The following LRP1B variants were observed in gnomAD, a reference collection of about 807,000 sequenced individuals.
LRP1B encodes LDL receptor related protein 1B, also known as low-density lipoprotein receptor-related protein 1B.
Under a neutral mutation model 556.6 loss-of-function variants are expected in LRP1B, and 217 were observed. The observed-to-expected ratio is 0.39, with a 90% CI of 0.35 to 0.44. The LOEUF (loss-of-function observed/expected upper bound fraction) is 0.44, where lower values mean the gene tolerates loss of function less well. Among genes scored for constraint, LRP1B ranks in the 20% least tolerant of loss-of-function variants. LRP1B has a pLI of 1.00. For synonymous variants in LRP1B, 2,047 were observed against 1,865.8 expected, an observed-to-expected ratio of 1.10 and a Z score of -2.50; for missense variants, 5,053 against 5,620.8, an observed-to-expected ratio of 0.90 and a Z score of 3.23.
At chr2:140,853,404 C>T (rs1573805345) in intron 27 of LRP1B, among the ~76,000 whole-genome samples, 2 of 151,952 alleles carry the variant, frequency 1.3e-5, no homozygotes, top group Admixed American at 1.3e-4. Flanking sequence ...TCATATAATA[C>T]TTGTATTAAG....
At chr2:141,516,692 CTTT>C (rs11316394) in intron 2 of LRP1B, among the ~76,000 whole-genome samples, 40 of 124,562 alleles carry the variant, frequency 3.2e-4, no homozygotes, top group South Asian at 5.2e-4. Context: ...CTCTCTCTCT[CTTT>C]TTTTTTTTTT....
At chr2:140,333,930 G>A (rs144572597) in intron 79 of LRP1B, among the ~76,000 whole-genome samples, 1 of 151,768 alleles carries the variant, frequency 6.6e-6, no homozygotes, top group Non-Finnish European at 1.5e-5. Context: ...CTTTGGAGTA[G>A]TAGCTTAGAT....
At chr2:142,012,851 C>T (rs529649272) in intron 1 of LRP1B, among the ~76,000 whole-genome samples, 3 of 152,056 alleles carry the variant, frequency 2.0e-5, no homozygotes, top group African/African-American at 7.2e-5. Context: ...GTGTAAGATG[C>T]GATGTGGTCA....
At chr2:141,675,248 TA>T (rs1295144063) in intron 2 of LRP1B, among the ~76,000 whole-genome samples, 2 of 151,974 alleles carry the variant, frequency 1.3e-5, no homozygotes, top group Admixed American at 1.3e-4. Context: ...AAATACTTGT[TA>T]AAAGTTTTTG....
At position 140,677,324 on chromosome 2, in the gene LRP1B, C is replaced by T. The variant is rs1054437232; in HGVS notation, c.6799+22926G>A. ...AGTGGGTATAGATTACTTGTTCAAC[C>T]TTGGTGGCAATAGGAAAGGTGGAGA... is the stretch of plus-strand genomic sequence containing the variant. On this transcript the variant is annotated intron_variant, in intron 41 of 90. Transcript: ENST00000389484. Among the ~76,000 whole-genome samples the T allele has an allele frequency of 5.9e-5, 9 of 152,076 alleles. 1 individual carries two copies.
At chr2:140,564,408 A>G (rs1303877334) in intron 43 of LRP1B, among the ~76,000 whole-genome samples, 2 of 152,162 alleles carry the variant, frequency 1.3e-5, no homozygotes, top group East Asian at 3.8e-4. Context: ...AAACCACTTT[A>G]ATCAAATATA....
At chr2:141,405,716 C>T (rs1018878463) in intron 3 of LRP1B, among the ~76,000 whole-genome samples, 1 of 151,808 alleles carries the variant, frequency 6.6e-6, no homozygotes, top group Non-Finnish European at 1.5e-5. Flanking sequence ...TATAAGAAGC[C>T]TAAAAGTATA....
At chr2:140,465,728 A>G (rs867352470) in intron 60 of LRP1B, among the ~76,000 whole-genome samples, 2 of 151,626 alleles carry the variant, frequency 1.3e-5, no homozygotes, top group Admixed American at 6.6e-5. Context: ...TGCAAAAAAA[A>G]AAAAAAGAAA....
rs758714361 is a variant in LRP1B at position 141,058,866 on chromosome 2, G to A, written c.1408+17C>T. On this transcript the variant is annotated intron_variant, in intron 9 of 90. Coordinates refer to ENST00000389484, the MANE Select transcript of LRP1B (RefSeq NM_018557.3). ...AATCTACCATTAGGAAGGTAATAAA[G>A]AAGCTTTCCCACTTACCTGTTGGTT... The A allele has an allele frequency of 1.9e-6, 3 of 1,566,340 alleles. No homozygotes were observed. Among genetic ancestry groups the A allele is most frequent in the South Asian group, 1.2e-5 (1 of 82,168 alleles).
rs763268170 is a variant in LRP1B at position 140,896,061 on chromosome 2, A to T, written c.3766+6859T>A. On this transcript the variant is annotated intron_variant, in intron 23 of 90. Transcript: ENST00000389484. ...CTTGAGGGTGGGGACCTCACGGGGAACCTATCTGTTCTACCCAGTATTTCC... is the reference window on the plus strand; with the variant it reads ...CTTGAGGGTGGGGACCTCACGGGGATCCTATCTGTTCTACCCAGTATTTCC... 5.5e-4 allele frequency among the ~76,000 whole-genome samples: 83 copies of T among 151,980 alleles called. 2 individuals are homozygous for T. Among genetic ancestry groups the T allele is most frequent in the Admixed American group, 1.6e-3 (25 of 15,236 alleles).
chr2:140,236,037 T>C (rs188829631), intron 89 of LRP1B, among the ~76,000 whole-genome samples: 92 of 151,198 alleles, frequency 6.1e-4, no homozygotes, highest in Admixed American at 5.4e-3. Context: ...AATGTAAGGT[T>C]ACCAAGACTT....
Position 140,323,980 on chromosome 2 carries a change from A to T in LRP1B, c.12427T>A (p.Phe4143Ile). The change falls in exon 81 of 91, where the codon TTT (phenylalanine) becomes ATT (isoleucine). Residue 4143 changes from phenylalanine (F) to isoleucine (I), a missense_variant. Coordinates refer to ENST00000389484, the MANE Select transcript of LRP1B (RefSeq NM_018557.3). ...PKNGVFRVQK[F>I]GHGSVEYLAL... is the part of the protein sequence containing the mutation. ...AAGTACTCTACTGAACCATGGCCAA[A>T]TTTTTGAACTCGAAATACACCATTT... 6.2e-7 allele frequency: 1 copy of T among 1,608,392 alleles called. No individual in the cohort carries two copies. Among genetic ancestry groups the T allele is most frequent in the Non-Finnish European group, 8.5e-7 (1 of 1,175,328 alleles).
chr2:141,127,865 C>G (rs754007390), intron 7 of LRP1B, among the ~76,000 whole-genome samples: 2 of 152,172 alleles, frequency 1.3e-5, no homozygotes, highest in Non-Finnish European at 2.9e-5. Flanking sequence ...GGTTTACTCT[C>G]TCTAGCTCTC....
chr2:141,537,855 C>T (rs1685119071), intron 2 of LRP1B, among the ~76,000 whole-genome samples: 1 of 152,046 alleles, frequency 6.6e-6, no homozygotes, highest in Non-Finnish European at 1.5e-5. Flanking sequence ...AGACAGGCTT[C>T]ATTCTATAAA....
chr2:140,746,178 A>C (rs933111839), intron 35 of LRP1B, among the ~76,000 whole-genome samples: 2 of 152,130 alleles, frequency 1.3e-5, no homozygotes, highest in Non-Finnish European at 2.9e-5. Flanking sequence ...AAAGAATGTT[A>C]TCTTTCTACT....
chr2:141,609,172 A>AT (rs2105319576), intron 2 of LRP1B, among the ~76,000 whole-genome samples: 1 of 152,330 alleles, frequency 6.6e-6, no homozygotes, highest in African/African-American at 2.4e-5. Flanking sequence ...TTATTTGCTA[A>AT]TTTTTATGGT....
intron 1 of LRP1B, among the ~76,000 whole-genome samples, chr2:142,072,907 A>C (rs76183804): frequency 6.6e-6 from 1 of 152,084 alleles, no homozygotes; most frequent in African/African-American, 2.4e-5. Context: ...CAAAATCTCT[A>C]TGCCTGTAAT....
intron 1 of LRP1B, among the ~76,000 whole-genome samples, chr2:142,056,464 C>G (rs1336045534): frequency 6.6e-6 from 1 of 151,974 alleles, no homozygotes; most frequent in African/African-American, 2.4e-5. Flanking sequence ...TTGGAAAGAG[C>G]ATGGATGGCA....
At chr2:140,663,943 A>G (rs1685181494) in intron 41 of LRP1B, among the ~76,000 whole-genome samples, 1 of 152,026 alleles carries the variant, frequency 6.6e-6, no homozygotes, top group South Asian at 2.1e-4. Flanking sequence ...TATTAACTGG[A>G]CTAATTTCAA....
Sources: allele counts gnomAD v4.1 joint callset (sites outside exome capture counted in the v4.1 genomes callset), GRCh38; gene constraint gnomAD v4.1.1; transcripts MANE v1.5; gene names NCBI Gene and HGNC (gene_info 2026-07-23, HGNC 2026-07-21).